LHX4: variants seen among roughly 807,000 people sequenced by gnomAD.
LHX4 encodes LIM/homeobox protein Lhx4.
Under a neutral mutation model 39.2 loss-of-function variants are expected in LHX4, and 16 were observed. The observed-to-expected ratio is 0.41, with a 90% confidence interval of 0.28 to 0.62. The LOEUF is 0.62. Ranked by LOEUF, LHX4 falls within the 20% of genes least tolerant of loss-of-function variation. The probability of loss-of-function intolerance (pLI) is 0.33; values close to 1 mark genes in which losing one functional copy is unlikely to be tolerated. For synonymous variants in LHX4, 206 were observed against 198.1 expected (o/e 1.04, Z -0.33); for missense variants, 439 against 511.9 (o/e 0.86, Z 1.37).
chr1:180,240,465 T>C (rs903300381), intron 1 of LHX4, among the ~76,000 whole-genome samples: 2 of 152,354 alleles, frequency 1.3e-5, no homozygotes, highest in African/African-American at 4.8e-5. Flanking sequence ...ATTTTAGAAG[T>C]CATTGTCGGA....
In LHX4 at chr1:180,230,370, A is replaced by C; in HGVS notation, c.-160A>C. 1 of 666,446 alleles carries C rather than the reference A, an allele frequency of 1.5e-6. No homozygotes were observed. The highest frequency in any genetic ancestry group is 2.7e-6 in the Non-Finnish European group (1 of 370,336). 41.3% of individuals were successfully genotyped at this position (666,446 alleles called of 1,614,324 possible). Reference sequence around the variant, plus strand: ...GACTGGCGGGGGGAGGGGGCCGGCCAGCCTGTGGAGTCCTCCCTGAGAAGC... The same window carrying C: ...GACTGGCGGGGGGAGGGGGCCGGCCCGCCTGTGGAGTCCTCCCTGAGAAGC... On this transcript the variant is annotated 5_prime_UTR_variant, in exon 1 of 6. Transcript: ENST00000263726. The surrounding 1 kb of genome is among the most constrained non-coding windows in gnomAD (Gnocchi z 5.8).
chr1:180,240,509 AT>A (rs893627512), intron 1 of LHX4, among the ~76,000 whole-genome samples: 26 of 151,844 alleles, frequency 1.7e-4, no homozygotes, highest in African/African-American at 2.9e-4. Flanking sequence ...CTTTAGTGGA[AT>A]TTTTTTTTCC....
At chr1:180,258,287 C>G (rs757790112) in intron 2 of LHX4, among the ~76,000 whole-genome samples, 12 of 152,276 alleles carry the variant, frequency 7.9e-5, no homozygotes, top group East Asian at 1.9e-4. Context: ...ATGCAGGTAC[C>G]TGGGGGGAGA....
chr1:180,239,954 C>T (rs1466100749), intron 1 of LHX4, among the ~76,000 whole-genome samples: 12 of 152,132 alleles, frequency 7.9e-5, no homozygotes, highest in South Asian at 2.1e-4. Context: ...CAGGGAGACC[C>T]GGAAGTGGCT....
At chr1:180,259,634 C>G (rs1648023487) in intron 2 of LHX4, among the ~76,000 whole-genome samples, 1 of 151,520 alleles carries the variant, frequency 6.6e-6, no homozygotes, top group African/African-American at 2.4e-5. Flanking sequence ...CCCGAGGCAC[C>G]ATCAGTCCGG....
At chr1:180,264,378 A>ACACACACACACACACAC (rs1242935728) in intron 2 of LHX4, among the ~76,000 whole-genome samples, 4 of 145,302 alleles carry the variant, frequency 2.8e-5, no homozygotes, top group Admixed American at 2.7e-4. Context: ...ACACACACAT[A>ACACACACACACACACAC]ACACACACAC....
intron 2 of LHX4, among the ~76,000 whole-genome samples, chr1:180,260,770 C>A (rs922154756): frequency 6.6e-6 from 1 of 151,820 alleles, no homozygotes; most frequent in African/African-American, 2.4e-5. Flanking sequence ...GGGGGACAGG[C>A]CCTCTCCTCG....
upstream of LHX4, among the ~76,000 whole-genome samples, chr1:180,229,758 C>T (rs1326904831): frequency 6.6e-6 from 1 of 151,528 alleles, no homozygotes; most frequent in South Asian, 2.1e-4. Context: ...CTGCCCCGCT[C>T]GGCCCCGGCT....
chr1:180,255,588 A>G lies in LHX4; in HGVS notation c.248+7132A>G, dbSNP rs574461490. Among the ~76,000 whole-genome samples the G allele has an allele frequency of 3.3e-5, 5 of 152,354 alleles. 1 individual carries two copies. In the South Asian group the frequency reaches 1.0e-3, roughly 32 times the overall value. ...TAGTGGCTGTGCGTGTGGACATTTG[A>G]AAGATTCAAACACACTGGTGGGACC... On this transcript the variant is annotated intron_variant, in intron 2 of 5. Coordinates refer to ENST00000263726, the MANE Select transcript of LHX4 (RefSeq NM_033343.4).
At chr1:180,262,723 G>C (rs12082968) in intron 2 of LHX4, among the ~76,000 whole-genome samples, 6,214 of 151,140 alleles carry the variant, frequency 0.041, 393 homozygotes, top group East Asian at 0.29. Context: ...CCATTATGGA[G>C]AGCCAAGCCT....
At chr1:180,250,323 TTGTGTG>T (rs757617473) in intron 2 of LHX4, among the ~76,000 whole-genome samples, 3 of 119,612 alleles carry the variant, frequency 2.5e-5, no homozygotes, top group African/African-American at 1.1e-4. Context: ...TTCCCTGTGT[TTGTGTG>T]TGTGTGTGTG....
rs1430849118 is a variant in LHX4 at position 180,274,241 on chromosome 1, G to A, written c.835G>A (p.Asp279Asn). The change falls in exon 6 of 6, where the codon GAC (aspartate) becomes AAC (asparagine). Residue 279 changes from aspartate (D) to asparagine (N), a missense_variant. Asp to Asn is a conservative substitution (Grantham distance 23). Coordinates refer to ENST00000263726, the MANE Select transcript of LHX4 (RefSeq NM_033343.4). The stretch of plus-strand genomic sequence containing the variant: ...CAATAGGATTTATGGCAACGTGGGG[G>A]ACGTTACAGGCGGACAGTTAATGAA... ...HTNRIYGNVG[D>N]VTGGQLMNGS... 6.2e-7 allele frequency: 1 copy of A among 1,614,194 alleles called. No homozygotes were observed. Among genetic ancestry groups the A allele is most frequent in the Non-Finnish European group, 8.5e-7 (1 of 1,180,024 alleles).
intron 2 of LHX4, among the ~76,000 whole-genome samples, chr1:180,255,893 A>G (rs1005360653): frequency 7.9e-5 from 12 of 152,194 alleles, no homozygotes; most frequent in South Asian, 2.1e-4. Flanking sequence ...TAGTCTGGGG[A>G]TCAGATGCAT....
chr1:180,271,153 A>C (rs148235710), intron 3 of LHX4: 5 of 601,138 alleles, frequency 8.3e-6, no homozygotes, highest in African/African-American at 1.8e-5. Context: ...GGAGCTGAGC[A>C]GAGAAAGGAC....
At chr1:180,271,631 C>G in intron 4 of LHX4, 97 bp downstream of exon 4, 2 of 1,491,024 alleles carry the variant, frequency 1.3e-6, no homozygotes, top group South Asian at 2.3e-5. Context: ...TGGTTGGGCT[C>G]AGGGCTTGAC....
chr1:180,271,553 T>C lies in LHX4; in HGVS notation c.606+19T>C. 1 of 1,613,802 alleles carries C rather than the reference T, an allele frequency of 6.2e-7. No homozygotes were observed. The highest frequency in any genetic ancestry group is 8.5e-7 in the Non-Finnish European group (1 of 1,179,810). On this transcript the variant is annotated intron_variant, in intron 4 of 5. Coordinates refer to ENST00000263726, the MANE Select transcript of LHX4 (RefSeq NM_033343.4). ...CGTACAGGTGAGATGCCAGCACTCC[T>C]GTGCCCTCCGGGGATCCCAGGCCCG...
At chr1:180,237,698 AC>A (rs985859595) in intron 1 of LHX4, among the ~76,000 whole-genome samples, 2 of 152,114 alleles carry the variant, frequency 1.3e-5, no homozygotes, top group Non-Finnish European at 2.9e-5. Context: ...TAACTGCAGT[AC>A]CTCACCCCCA....
chr1:180,263,561 G>T (rs1359447336), intron 2 of LHX4, among the ~76,000 whole-genome samples: 2 of 152,226 alleles, frequency 1.3e-5, no homozygotes, highest in African/African-American at 4.8e-5. Flanking sequence ...GTAATGAGGA[G>T]CCACTTCCAC....
rs114976283 is a variant in LHX4 at position 180,268,635 on chromosome 1, G to C, written c.451+2041G>C. Among the ~76,000 whole-genome samples, 613 of 152,306 alleles carry C rather than the reference G, an allele frequency of 4.0e-3. 2 individuals carry two copies. The highest frequency in any genetic ancestry group is 0.014 in the African/African-American group (585 of 41,544). ...TTTCCTGAGGTTTAAATAGGATGAG[G>C]CTTGTGAAATGGGATGTGAAATAAG... is the stretch of plus-strand genomic sequence containing the variant. On this transcript the variant is annotated intron_variant, in intron 3 of 5. Transcript: ENST00000263726.
Sources: allele counts gnomAD v4.1 joint callset (sites outside exome capture counted in the v4.1 genomes callset), GRCh38; gene constraint gnomAD v4.1.1; non-coding constraint Gnocchi (gnomAD v3.1); transcripts MANE v1.5; gene names NCBI Gene and HGNC (gene_info 2026-07-23, HGNC 2026-07-21).